Variants in SRSF4 observed in about 807,000 individuals in gnomAD.
SRSF4 encodes the protein serine/arginine-rich splicing factor 4.
SRSF4 carries 12 observed loss-of-function variants against 48.8 expected under a neutral mutation model. The ratio of observed to expected loss-of-function variants is 0.25; its 90% CI spans 0.16 to 0.40. The LOEUF is 0.40. Among genes scored for constraint, SRSF4 ranks in the 10% least tolerant of loss-of-function variants. SRSF4 has a pLI of 1.00. For synonymous variants in SRSF4, 248 were observed against 232.5 expected, an observed-to-expected ratio of 1.07 and a Z score of -0.61; for missense variants, 466 against 667.1, an observed-to-expected ratio of 0.70 and a Z score of 3.32.
intron 4 of SRSF4, among the ~76,000 whole-genome samples, chr1:29,150,453 G>A (rs1254800319): frequency 4.6e-5 from 7 of 152,000 alleles, no homozygotes; most frequent in Admixed American, 2.6e-4. Flanking sequence ...TAGTAGAGAC[G>A]GGGTTTCTCC....
At chr1:29,165,104 A>G (rs1355961473) in intron 1 of SRSF4, among the ~76,000 whole-genome samples, 1 of 152,136 alleles carries the variant, frequency 6.6e-6, no homozygotes, top group Non-Finnish European at 1.5e-5. Context: ...TACCAAAACT[A>G]TTTTCCTCTG....
intron 3 of SRSF4, among the ~76,000 whole-genome samples, chr1:29,157,179 G>C (rs1392377981): frequency 6.6e-6 from 1 of 152,090 alleles, no homozygotes; most frequent in East Asian, 1.9e-4. Context: ...CTTGCTGAGA[G>C]CATGGGAACA....
chr1:29,169,531 T>C (rs1672716508), intron 1 of SRSF4: 1 of 152,200 alleles, frequency 6.6e-6, no homozygotes, highest in Non-Finnish European at 1.5e-5. Context: ...TCTCTACAAG[T>C]GGAACCAAAC....
intron 1 of SRSF4, among the ~76,000 whole-genome samples, chr1:29,179,662 A>G (rs1324584116): frequency 6.6e-6 from 1 of 152,228 alleles, no homozygotes; most frequent in African/African-American, 2.4e-5. Context: ...TACTATTCCC[A>G]GAAACCTAAA....
At chr1:29,169,807 C>T (rs1672722322) in intron 1 of SRSF4, 1 of 152,106 alleles carries the variant, frequency 6.6e-6, no homozygotes. Flanking sequence ...GTGAGAAAAA[C>T]AGAACAATCA....
At chr1:29,152,667 C>A (rs908501612) in intron 4 of SRSF4, among the ~76,000 whole-genome samples, 2 of 152,032 alleles carry the variant, frequency 1.3e-5, no homozygotes, top group Non-Finnish European at 2.9e-5. Flanking sequence ...GACTGTAATC[C>A]AAGCACTTTG....
rs531197054 is a variant in SRSF4, at chr1:29,148,183, T to C, written c.*227A>G. 1.8e-5 allele frequency: 12 copies of C among 685,648 alleles called. No homozygotes were observed. The Admixed American group carries it at 2.5e-4, about 14-fold the overall frequency. The allele number at this position is 685,648 out of a possible 1,614,324, so 42.5% of individuals were successfully genotyped here. A position where few individuals can be genotyped will look rare whatever the true frequency, so the allele number is the denominator to read the frequency against. On this transcript the variant is annotated 3_prime_UTR_variant, in exon 6 of 6. Coordinates refer to ENST00000373795, the MANE Select transcript of SRSF4 (RefSeq NM_005626.5). ...GTTTTGGATATTCTACTGTGGGCCATGAGTAAAAGGGGATTTTCAAAGAGA... is the reference window on the plus strand; with the variant it reads ...GTTTTGGATATTCTACTGTGGGCCACGAGTAAAAGGGGATTTTCAAAGAGA...
intron 3 of SRSF4, among the ~76,000 whole-genome samples, chr1:29,157,088 C>G (rs1466640451): frequency 6.6e-6 from 1 of 152,098 alleles, no homozygotes; most frequent in Admixed American, 6.6e-5. Flanking sequence ...TAACTAGGAG[C>G]CTGCATGTCT....
In SRSF4 at chr1:29,154,923, A is replaced by G. The variant is rs758672336; in HGVS notation, c.364-13T>C. On this transcript the variant is annotated splice_polypyrimidine_tract_variant and intron_variant, in intron 3 of 5. Coordinates refer to ENST00000373795, the MANE Select transcript of SRSF4 (RefSeq NM_005626.5). Reference sequence around the variant, plus strand: ...GACGCATATAATCCTGAAGAAAAAAAAAAGTGTGACTACATTAGGATATGT... The same window carrying G: ...GACGCATATAATCCTGAAGAAAAAAGAAAGTGTGACTACATTAGGATATGT... The G allele has an allele frequency of 2.5e-6, 4 of 1,604,688 alleles. No homozygotes were observed. In the African/African-American group the frequency reaches 4.0e-5, roughly 16 times the overall value.
intron 3 of SRSF4, among the ~76,000 whole-genome samples, chr1:29,155,274 G>GA (rs963394223): frequency 1.3e-5 from 2 of 151,844 alleles, no homozygotes; most frequent in African/African-American, 4.8e-5. Flanking sequence ...TACAAAAATT[G>GA]AAAAAATTAG....
chr1:29,153,367 T>G (rs1672445736), intron 4 of SRSF4, among the ~76,000 whole-genome samples: 1 of 151,968 alleles, frequency 6.6e-6, no homozygotes, highest in Admixed American at 6.6e-5. Flanking sequence ...AGGCTGGTCT[T>G]GAACTCCTGA....
chr1:29,180,408 C>T (rs1226617257), intron 1 of SRSF4, among the ~76,000 whole-genome samples: 1 of 152,176 alleles, frequency 6.6e-6, no homozygotes, highest in African/African-American at 2.4e-5. Context: ...CTAAAGACGT[C>T]CTCAGAAAGA....
In SRSF4 at chr1:29,148,671, G is replaced by C. The variant is rs1224833116; in HGVS notation, c.1224C>G (p.Ser408=). ...GTTCCCGCTCCTTTGACACGGAGCG[G>C]GATGGAGATCTGGACTGGGAGCGGT... is the stretch of plus-strand genomic sequence containing the variant. ...DTDRSQSRSP[S]RSVSKEREHA... The change falls in exon 6 of 6, where the codon TCC becomes TCG. Residue 408 remains serine (S), a synonymous_variant. Transcript: ENST00000373795. 1.2e-6 allele frequency: 2 copies of C among 1,614,030 alleles called. No homozygotes were observed. Among genetic ancestry groups the C allele is most frequent in the Non-Finnish European group, 1.7e-6 (2 of 1,180,038 alleles).
At chr1:29,178,327 C>CA (rs1215989892) in intron 1 of SRSF4, among the ~76,000 whole-genome samples, 2 of 149,122 alleles carry the variant, frequency 1.3e-5, no homozygotes, top group African/African-American at 4.9e-5. Flanking sequence ...CTAAAGCATC[C>CA]AAAATCTGTT....
chr1:29,159,839 T>TA, intron 2 of SRSF4: 1 of 32,376 alleles, frequency 3.1e-5, no homozygotes, highest in Non-Finnish European at 5.6e-5. Context: ...ATATTTTATA[T>TA]GGAAAAAAAA....
chr1:29,158,204 G>A (rs1672531155), intron 3 of SRSF4, among the ~76,000 whole-genome samples: 1 of 151,566 alleles, frequency 6.6e-6, no homozygotes, highest in African/African-American at 2.4e-5. Context: ...TACACTGGAT[G>A]GCCAACATTA....
chr1:29,159,452 T>G lies in SRSF4; in HGVS notation c.285A>C (p.Lys95Asn). The change falls in exon 3 of 6, where the codon AAA (lysine) becomes AAC (asparagine). Residue 95 changes from lysine (K) to asparagine (N), a missense_variant. By Grantham distance (94) the Lys-to-Asn change is moderately conservative (BLOSUM62 0). This residue lies in a region of SRSF4 where 64 missense variants were observed against 230.2 expected (regional missense o/e 0.28). Coordinates refer to ENST00000373795, the MANE Select transcript of SRSF4 (RefSeq NM_005626.5). ...GYGYRRSGRD[K>N]YGPPTRTEYR... is the part of the protein sequence containing the mutation. Reference sequence around the variant, plus strand: ...ACTCTGTGCGAGTAGGAGGGCCATATTTATCTCGGCCACTTCTTCTATAAC... The same window carrying G: ...ACTCTGTGCGAGTAGGAGGGCCATAGTTATCTCGGCCACTTCTTCTATAAC... 6.2e-7 allele frequency: 1 copy of G among 1,613,982 alleles called. No individual in the cohort carries two copies. Among genetic ancestry groups the G allele is most frequent in the Non-Finnish European group, 8.5e-7 (1 of 1,179,930 alleles).
chr1:29,166,115 T>C (rs1230561429), intron 1 of SRSF4: 1 of 152,188 alleles, frequency 6.6e-6, no homozygotes, highest in Non-Finnish European at 1.5e-5. Flanking sequence ...ACGGGGTGGC[T>C]TGAACCCTCA....
intron 1 of SRSF4, among the ~76,000 whole-genome samples, chr1:29,165,136 C>T (rs1023622106): frequency 2.0e-5 from 3 of 152,274 alleles, no homozygotes; most frequent in Non-Finnish European, 4.4e-5. Context: ...TCCTCACAAA[C>T]CTAGTCAAAA....
Sources: allele counts gnomAD v4.1 joint callset (sites outside exome capture counted in the v4.1 genomes callset), GRCh38; gene constraint gnomAD v4.1.1; regional missense constraint gnomAD v4.1.1; transcripts MANE v1.5; gene names NCBI Gene and HGNC (gene_info 2026-07-23, HGNC 2026-07-21).